CA12: variants seen among roughly 807,000 people sequenced by gnomAD.
CA12 encodes the protein carbonic anhydrase 12.
CA12 carries 36 observed loss-of-function variants against 46.8 expected under a neutral mutation model. The ratio of observed to expected loss-of-function variants is 0.77; its 90% CI spans 0.59 to 1.02. CA12 has a LOEUF of 1.02. CA12 is among the 50% of genes least tolerant of loss of function. The probability of loss-of-function intolerance (pLI) is 0.00; values close to 1 mark genes in which losing one functional copy is unlikely to be tolerated. For missense variants in CA12, 436 were observed against 451.4 expected (o/e 0.97, Z 0.31); for synonymous variants, 202 against 187.0 (o/e 1.08, Z -0.65).
chr15:63,349,018 C>G (rs1390136081), intron 2 of CA12, among the ~76,000 whole-genome samples: 2 of 152,184 alleles, frequency 1.3e-5, no homozygotes, highest in African/African-American at 2.4e-5. Flanking sequence ...GTTGGCAAAA[C>G]CTGTCTTGGA....
chr15:63,331,914 G>C lies in CA12; in HGVS notation c.875-3784C>G, dbSNP rs1395067012. 6.6e-6 allele frequency: 1 copy of C among 152,140 alleles called. No individual in the cohort carries two copies. The highest frequency in any genetic ancestry group is 1.9e-4 in the East Asian group (1 of 5,192). The allele number at this position is 152,140 out of a possible 1,614,324, so 9.4% of individuals were successfully genotyped here. On this transcript the variant is annotated intron_variant, in intron 8 of 10. Coordinates refer to ENST00000178638, the MANE Select transcript of CA12 (RefSeq NM_001218.5). This position sits in a 1 kb window ranked among gnomAD's most constrained non-coding sequence, Gnocchi z 5.3. ...CAAGCACCTCACTTTCACATCTGGA[G>C]GTTCCTGGAACAACAGTCTAGTATT...
chr15:63,354,848 A>G (rs996691705), intron 2 of CA12, among the ~76,000 whole-genome samples: 1 of 152,164 alleles, frequency 6.6e-6, no homozygotes, highest in Non-Finnish European at 1.5e-5. Flanking sequence ...ACCCACCCTC[A>G]GGAAGTCCTT....
chr15:63,325,201 T>A lies in CA12; in HGVS notation c.*1084A>T, dbSNP rs924667599. The A allele has an allele frequency of 6.6e-6, 1 of 152,210 alleles. No individual in the cohort carries two copies. Among genetic ancestry groups the A allele is most frequent in the African/African-American group, 2.4e-5 (1 of 41,460 alleles). 9.4% of individuals were successfully genotyped at this position (152,210 alleles called of 1,614,324 possible). On this transcript the variant is annotated 3_prime_UTR_variant, in exon 11 of 11. Coordinates refer to ENST00000178638, the MANE Select transcript of CA12 (RefSeq NM_001218.5). The surrounding 1 kb of genome is among the most constrained non-coding windows in gnomAD (Gnocchi z 4.9). ...ACATCTTCAGAGAGAGAGAAGTAGATAAAAGTCTCCATTCCAGGTTGGCAG... is the reference window on the plus strand; with the variant it reads ...ACATCTTCAGAGAGAGAGAAGTAGAAAAAAGTCTCCATTCCAGGTTGGCAG...
In CA12 at chr15:63,340,031, T is replaced by G; in HGVS notation, c.747+257A>C. ...GTGAATACCACCCAGCCACTGAGGA[T>G]ATATTAGCAAATGCAGATTTAGAGC... On this transcript the variant is annotated intron_variant, in intron 7 of 10. Coordinates refer to ENST00000178638, the MANE Select transcript of CA12 (RefSeq NM_001218.5). The surrounding 1 kb of genome is among the most constrained non-coding windows in gnomAD (Gnocchi z 4.4). 3 of 492,932 alleles carry G rather than the reference T, an allele frequency of 6.1e-6. No homozygotes were observed. Among genetic ancestry groups the G allele is most frequent in the Non-Finnish European group, 1.1e-5 (3 of 271,290 alleles). The allele number at this position is 492,932 out of a possible 1,614,324, so 30.5% of individuals were successfully genotyped here.
In CA12 at chr15:63,374,387, C is replaced by A. The variant is rs1446556930; in HGVS notation, c.106+1271G>T. Reference sequence around the variant, plus strand: ...CAGGAGGCCTTCCCTGACCATCTAGCCCTAGCACACTCGCCCTCCTTTGAG... The same window carrying A: ...CAGGAGGCCTTCCCTGACCATCTAGACCTAGCACACTCGCCCTCCTTTGAG... On this transcript the variant is annotated intron_variant, in intron 2 of 10. Transcript: ENST00000178638. The surrounding 1 kb of genome is among the most constrained non-coding windows in gnomAD (Gnocchi z 4.4). 1.3e-5 allele frequency among the ~76,000 whole-genome samples: 2 copies of A among 152,196 alleles called. No individual in the cohort carries two copies. The highest frequency in any genetic ancestry group is 1.9e-4 in the East Asian group (1 of 5,192).
rs2039610380 is a variant in CA12 at position 63,378,935 on chromosome 15, C to T, written c.85+2701G>A. 6.6e-6 allele frequency: 1 copy of T among 152,242 alleles called. No homozygotes were observed. The highest frequency in any genetic ancestry group is 1.5e-5 in the Non-Finnish European group (1 of 68,052). The allele number at this position is 152,242 out of a possible 1,614,324, so 9.4% of individuals were successfully genotyped here. A position where few individuals can be genotyped will look rare whatever the true frequency, so the allele number is the denominator to read the frequency against. On this transcript the variant is annotated intron_variant, in intron 1 of 10. Coordinates refer to ENST00000178638, the MANE Select transcript of CA12 (RefSeq NM_001218.5). This position sits in a 1 kb window ranked among gnomAD's most constrained non-coding sequence, Gnocchi z 4.8. The stretch of plus-strand genomic sequence containing the variant: ...CAGCAGTTTGCATTGTACCTGCTCA[C>T]ATTCAAATCATAGCCTTATACCCTA...
At position 63,330,024 on chromosome 15, in the gene CA12, G is replaced by A. The variant is rs1400337494; in HGVS notation, c.875-1894C>T. Among the ~76,000 whole-genome samples, 3 of 152,230 alleles carry A rather than the reference G, an allele frequency of 2.0e-5. No homozygotes were observed. The highest frequency in any genetic ancestry group is 2.9e-5 in the Non-Finnish European group (2 of 68,046). On this transcript the variant is annotated intron_variant, in intron 8 of 10. Coordinates refer to ENST00000178638, the MANE Select transcript of CA12 (RefSeq NM_001218.5). The surrounding 1 kb of genome is among the most constrained non-coding windows in gnomAD (Gnocchi z 4.0). ...GCTGTGAGGGTTAGCAGAGCAGGCA[G>A]GGAGAAGAGCTGTCCCCAAGGACAG...
At chr15:63,335,517 G>C (rs1220964152) in intron 8 of CA12, among the ~76,000 whole-genome samples, 1 of 151,236 alleles carries the variant, frequency 6.6e-6, no homozygotes, top group Non-Finnish European at 1.5e-5. Context: ...AAGCTGGAGT[G>C]CAGTGGTGTG....
At chr15:63,369,175 A>G (rs1461059726) in intron 2 of CA12, among the ~76,000 whole-genome samples, 1 of 152,222 alleles carries the variant, frequency 6.6e-6, no homozygotes, top group Non-Finnish European at 1.5e-5. Flanking sequence ...TTTCTTACTC[A>G]AAAAGGAAAT....
chr15:63,342,333 C>T (rs541038225), intron 4 of CA12, among the ~76,000 whole-genome samples: 6 of 152,240 alleles, frequency 3.9e-5, no homozygotes, highest in Middle Eastern at 3.4e-3. Flanking sequence ...TCAATCAATA[C>T]GTACAAGATA....
chr15:63,371,493 C>T (rs1423589223), intron 2 of CA12, among the ~76,000 whole-genome samples: 1 of 152,206 alleles, frequency 6.6e-6, no homozygotes, highest in East Asian at 1.9e-4. Context: ...CCTGGCACCC[C>T]CGTGCCAGGC....
intron 2 of CA12, among the ~76,000 whole-genome samples, chr15:63,362,804 A>T (rs2039380415): frequency 6.6e-6 from 1 of 152,182 alleles, no homozygotes; most frequent in African/African-American, 2.4e-5. Flanking sequence ...GAAAACAAAA[A>T]TCTTTTGCTT....
chr15:63,369,022 A>G (rs1156266352), intron 2 of CA12, among the ~76,000 whole-genome samples: 2 of 152,206 alleles, frequency 1.3e-5, no homozygotes, highest in East Asian at 1.9e-4. Flanking sequence ...ATGGAACCAG[A>G]TATCTGGTTC....
intron 2 of CA12, among the ~76,000 whole-genome samples, chr15:63,347,515 C>A (rs531593876): frequency 6.6e-6 from 1 of 152,264 alleles, no homozygotes; most frequent in South Asian, 2.1e-4. Flanking sequence ...ATAATTGACA[C>A]ACTATCAGTG....
intron 8 of CA12, among the ~76,000 whole-genome samples, chr15:63,337,270 C>T (rs993447247): frequency 2.0e-5 from 3 of 152,068 alleles, no homozygotes; most frequent in Non-Finnish European, 2.9e-5. Flanking sequence ...TAATCCTGAC[C>T]GTAAGGATGG....
chr15:63,332,005 T>C (rs536500620), intron 8 of CA12, among the ~76,000 whole-genome samples: 1 of 152,330 alleles, frequency 6.6e-6, no homozygotes, highest in East Asian at 1.9e-4. Context: ...TATTTTAAAG[T>C]ACACACTGTT....
rs1243158325 is a variant in CA12 at position 63,341,542 on chromosome 15, G to A, written c.525+460C>T. On this transcript the variant is annotated intron_variant, in intron 5 of 10. Coordinates refer to ENST00000178638, the MANE Select transcript of CA12 (RefSeq NM_001218.5). This position sits in a 1 kb window ranked among gnomAD's most constrained non-coding sequence, Gnocchi z 5.2. ...AAAACCATCTCCCTCCCTGGTCCATGGTCCGTGGAAAAATTGTCTTCTATG... is the reference window on the plus strand; with the variant it reads ...AAAACCATCTCCCTCCCTGGTCCATAGTCCGTGGAAAAATTGTCTTCTATG... Among the ~76,000 whole-genome samples, 1 of 152,192 alleles carries A rather than the reference G, an allele frequency of 6.6e-6. No individual in the cohort carries two copies. Among genetic ancestry groups the A allele is most frequent in the East Asian group, 1.9e-4 (1 of 5,196 alleles).
At position 63,373,828 on chromosome 15, in the gene CA12, G is replaced by A. The variant is rs1389688428; in HGVS notation, c.106+1830C>T. Reference sequence around the variant, plus strand: ...GAAATGGCTTACTGGGGATCATATGGAATAAAGCCCAGAACCCAAGTGCCA... The same window carrying A: ...GAAATGGCTTACTGGGGATCATATGAAATAAAGCCCAGAACCCAAGTGCCA... On this transcript the variant is annotated intron_variant, in intron 2 of 10. Coordinates refer to ENST00000178638, the MANE Select transcript of CA12 (RefSeq NM_001218.5). The surrounding 1 kb of genome is among the most constrained non-coding windows in gnomAD (Gnocchi z 4.9). 2.0e-5 allele frequency among the ~76,000 whole-genome samples: 3 copies of A among 152,174 alleles called. No homozygotes were observed. Among genetic ancestry groups the A allele is most frequent in the Admixed American group, 6.5e-5 (1 of 15,278 alleles).
intron 1 of CA12, among the ~76,000 whole-genome samples, chr15:63,377,658 A>C (rs1173270466): frequency 6.6e-6 from 1 of 151,984 alleles, no homozygotes; most frequent in African/African-American, 2.4e-5. Flanking sequence ...TGTAACAAAA[A>C]CCTCAGTTCC....
Sources: gnomAD v4.1 joint callset for allele counts (sites outside exome capture counted in the v4.1 genomes callset) on GRCh38, gnomAD v4.1.1 for gene constraint, Gnocchi (gnomAD v3.1) non-coding constraint, MANE v1.5 for transcripts, NCBI Gene and HGNC (gene_info 2026-07-23, HGNC 2026-07-21) for gene names.